SNX3: variants seen among roughly 807,000 people sequenced by gnomAD.
SNX3 encodes the protein sorting nexin 3.
Under a neutral mutation model 17.7 loss-of-function variants are expected in SNX3, and 5 were observed. The ratio of observed to expected loss-of-function variants is 0.28; its 90% CI spans 0.15 to 0.59. The LOEUF is 0.59. Ranked by LOEUF, SNX3 falls within the 20% of genes least tolerant of loss-of-function variation. The pLI is 0.88. For synonymous variants in SNX3, 91 were observed against 76.5 expected, an observed-to-expected ratio of 1.19 and a Z score of -0.99; for missense variants, 132 against 206.8, an observed-to-expected ratio of 0.64 and a Z score of 2.22.
intron 2 of SNX3, among the ~76,000 whole-genome samples, chr6:108,222,626 A>T (rs1420457114): frequency 6.6e-6 from 1 of 152,242 alleles, no homozygotes; most frequent in Non-Finnish European, 1.5e-5. Context: ...TGTATTGAGG[A>T]AGAGAAACTT....
In SNX3 at chr6:108,260,763, GA is replaced by G; in HGVS notation, c.158del (p.Val53AlafsTer10). ...RGRFTTYEIR[V>X]KTNLPIFKLK... The stretch of plus-strand genomic sequence containing the variant: ...GAGAGGGGAGAGACGGCCTCACCTT[GA>G]CCCTGATTTCGTAAGTGGTGAAGCG... On this transcript the variant is annotated frameshift_variant, in exon 1 of 4. Coordinates refer to ENST00000230085, the MANE Select transcript of SNX3 (RefSeq NM_003795.6). LOFTEE classifies it high-confidence loss of function. The G allele has an allele frequency of 1.2e-6, 2 of 1,613,754 alleles. No homozygotes were observed. The highest frequency in any genetic ancestry group is 1.7e-6 in the Non-Finnish European group (2 of 1,179,786).
At chr6:108,222,448 T>C (rs1430464153) in intron 2 of SNX3, 2 of 833,556 alleles carry the variant, frequency 2.4e-6, no homozygotes, top group South Asian at 1.6e-5. Flanking sequence ...AACCCATTAG[T>C]GGATCATGGC....
chr6:108,255,479 C>T (rs959598728), intron 1 of SNX3, among the ~76,000 whole-genome samples: 3 of 152,012 alleles, frequency 2.0e-5, no homozygotes, highest in African/African-American at 4.8e-5. Context: ...CAGCCTCCCA[C>T]ATAGCTGGGA....
At chr6:108,233,541 G>A (rs1775231891) in intron 1 of SNX3, among the ~76,000 whole-genome samples, 1 of 152,042 alleles carries the variant, frequency 6.6e-6, no homozygotes, top group South Asian at 2.1e-4. Flanking sequence ...GCTGCCCTAG[G>A]AGTTCGAGAC....
At chr6:108,224,036 C>T (rs142294197) in intron 1 of SNX3, among the ~76,000 whole-genome samples, 6,477 of 152,234 alleles carry the variant, frequency 0.043, 202 homozygotes, top group Non-Finnish European at 0.064. Context: ...ATATACCTTA[C>T]CTTTTAATTT....
intron 1 of SNX3, among the ~76,000 whole-genome samples, chr6:108,225,419 G>A (rs562842865): frequency 4.6e-5 from 7 of 152,102 alleles, no homozygotes; most frequent in African/African-American, 1.7e-4. Flanking sequence ...CAAGAGACCA[G>A]CCTGGGCAGG....
At chr6:108,222,443 A>G (rs1300649118) in intron 2 of SNX3, 2 of 884,832 alleles carry the variant, frequency 2.3e-6, no homozygotes, top group African/African-American at 3.5e-5. Flanking sequence ...GCAGCAACCC[A>G]TTAGTGGATC....
At chr6:108,223,405 T>C (rs1774868664) in intron 1 of SNX3, among the ~76,000 whole-genome samples, 1 of 151,768 alleles carries the variant, frequency 6.6e-6, no homozygotes, top group African/African-American at 2.4e-5. Context: ...CCCAAAGTGC[T>C]GGGATTACAG....
intron 1 of SNX3, among the ~76,000 whole-genome samples, chr6:108,250,700 G>A (rs1392360744): frequency 6.6e-6 from 1 of 152,152 alleles, no homozygotes; most frequent in Non-Finnish European, 1.5e-5. Context: ...CAATATGGAC[G>A]AGACTTATAC....
In SNX3 at chr6:108,222,185, G is replaced by C. The variant is rs1774804495; in HGVS notation, c.258+765C>G. Reference sequence around the variant, plus strand: ...AAACTTGAGAAATGAGTACAGACTAGCCTTCATCTAGTTCAGGACTCCTAC... The same window carrying C: ...AAACTTGAGAAATGAGTACAGACTACCCTTCATCTAGTTCAGGACTCCTAC... On this transcript the variant is annotated intron_variant, in intron 2 of 3. Coordinates refer to ENST00000230085, the MANE Select transcript of SNX3 (RefSeq NM_003795.6). The C allele has an allele frequency of 1.2e-5, 16 of 1,298,482 alleles. No individual in the cohort carries two copies. The South Asian group carries it at 2.0e-4, about 16-fold the overall frequency. The allele number at this position is 1,298,482 out of a possible 1,614,324, so 80.4% of individuals were successfully genotyped here.
chr6:108,253,495 T>C (rs1365957064), intron 1 of SNX3, among the ~76,000 whole-genome samples: 7 of 151,916 alleles, frequency 4.6e-5, no homozygotes, highest in Non-Finnish European at 8.8e-5. Flanking sequence ...TCTGGCTTGA[T>C]TGAATGTAGT....
intron 2 of SNX3, among the ~76,000 whole-genome samples, chr6:108,219,126 C>A (rs375772188): frequency 3.3e-5 from 5 of 149,812 alleles, no homozygotes; most frequent in Admixed American, 2.7e-4. Context: ...CCAAGGCGGG[C>A]GGATCACAAG....
intron 1 of SNX3, among the ~76,000 whole-genome samples, chr6:108,228,676 G>A (rs1177913929): frequency 6.6e-6 from 1 of 152,080 alleles, no homozygotes; most frequent in South Asian, 2.1e-4. Flanking sequence ...TTTCAGCCTG[G>A]GTGACAGAGG....
At chr6:108,238,137 C>T (rs1042836472) in intron 1 of SNX3, among the ~76,000 whole-genome samples, 1 of 145,064 alleles carries the variant, frequency 6.9e-6, no homozygotes, top group Non-Finnish European at 1.5e-5. Flanking sequence ...AAAAAAGAAT[C>T]AACTATAATG....
chr6:108,225,947 C>T (rs961694432), intron 1 of SNX3, among the ~76,000 whole-genome samples: 3 of 148,240 alleles, frequency 2.0e-5, no homozygotes, highest in African/African-American at 7.5e-5. Flanking sequence ...GTGGGAGGAT[C>T]TCTTGAGCCC....
At chr6:108,253,929 T>C (rs941976019) in intron 1 of SNX3, among the ~76,000 whole-genome samples, 4 of 151,894 alleles carry the variant, frequency 2.6e-5, no homozygotes, top group African/African-American at 4.8e-5. Context: ...ATGGAGACCA[T>C]CCTGGCTAAC....
intron 1 of SNX3, among the ~76,000 whole-genome samples, chr6:108,260,250 T>C (rs148199103): frequency 1.3e-4 from 20 of 152,320 alleles, no homozygotes; most frequent in African/African-American, 4.1e-4. Context: ...GTCAGGCTTC[T>C]GTGAACTTTC....
At chr6:108,255,816 A>G (rs1294934085) in intron 1 of SNX3, among the ~76,000 whole-genome samples, 1 of 152,250 alleles carries the variant, frequency 6.6e-6, no homozygotes, top group African/African-American at 2.4e-5. Flanking sequence ...AAAAACATAT[A>G]CAAGTTTAGA....
intron 1 of SNX3, among the ~76,000 whole-genome samples, chr6:108,233,447 G>A (rs1022603473): frequency 2.0e-5 from 3 of 152,150 alleles, no homozygotes; most frequent in African/African-American, 4.8e-5. Flanking sequence ...ACGCCAACTA[G>A]AGAATCTCAT....
Sources: allele counts gnomAD v4.1 joint callset (sites outside exome capture counted in the v4.1 genomes callset), GRCh38; gene constraint gnomAD v4.1.1; transcripts MANE v1.5; gene names NCBI Gene and HGNC (gene_info 2026-07-23, HGNC 2026-07-21).